CACNB2: variants seen among roughly 807,000 people sequenced by gnomAD.
CACNB2 encodes voltage-dependent L-type calcium channel subunit beta-2.
A neutral mutation model predicts 73.3 loss-of-function variants in CACNB2; 42 were observed. The observed-to-expected ratio is 0.57, with a 90% CI of 0.45 to 0.74. The LOEUF is 0.74. Among genes scored for constraint, CACNB2 ranks in the 30% least tolerant of loss-of-function variants. CACNB2 has a pLI of 0.00. For missense variants in CACNB2, 940 were observed against 853.0 expected, an observed-to-expected ratio of 1.10 and a Z score of -1.27; for synonymous variants, 348 against 310.3, an observed-to-expected ratio of 1.12 and a Z score of -1.28.
chr10:18,450,900 G>A (rs1407616686), intron 3 of CACNB2, among the ~76,000 whole-genome samples: 1 of 152,172 alleles, frequency 6.6e-6, no homozygotes, highest in Non-Finnish European at 1.5e-5. Flanking sequence ...GCCTCCCAAA[G>A]TGTTGGGATT....
At position 18,289,209 on chromosome 10, in the gene CACNB2, C is replaced by T. The variant is rs546837811; in HGVS notation, c.214-112715C>T. On this transcript the variant is annotated intron_variant, in intron 2 of 13. Transcript: ENST00000324631. ...TGCTGGTTAATACTGCCTCTACCCC[C>T]GACCCCCTCCCCAGCAAAAAAATCC... is the stretch of plus-strand genomic sequence containing the variant. 4.6e-5 allele frequency among the ~76,000 whole-genome samples: 7 copies of T among 151,876 alleles called. No individual in the cohort carries two copies. In the South Asian group the frequency reaches 1.0e-3, roughly 23 times the overall value.
At chr10:18,182,269 G>A (rs904083119) in intron 2 of CACNB2, among the ~76,000 whole-genome samples, 8 of 151,800 alleles carry the variant, frequency 5.3e-5, no homozygotes, top group Non-Finnish European at 1.0e-4. Context: ...TGAGACCAGT[G>A]AGCCGAGATT....
intron 2 of CACNB2, among the ~76,000 whole-genome samples, chr10:18,272,370 G>T (rs1447295959): frequency 6.6e-6 from 1 of 152,074 alleles, no homozygotes; most frequent in East Asian, 1.9e-4. Flanking sequence ...CTCCCCCAAG[G>T]TTCTATGCCT....
chr10:18,141,599 A>C (rs2030412493), intron 1 of CACNB2, among the ~76,000 whole-genome samples: 1 of 152,230 alleles, frequency 6.6e-6, no homozygotes, highest in African/African-American at 2.4e-5. Flanking sequence ...TTCTGGAAAA[A>C]GTCAGCTTCG....
At chr10:18,261,116 T>A in intron 2 of CACNB2, 6 of 1,503,172 alleles carry the variant, frequency 4.0e-6, no homozygotes, top group Non-Finnish European at 5.3e-6. Context: ...GTGGCTTTTT[T>A]AGAAACTACC....
At chr10:18,479,407 T>G (rs946188197) in intron 3 of CACNB2, among the ~76,000 whole-genome samples, 12 of 152,142 alleles carry the variant, frequency 7.9e-5, no homozygotes, top group African/African-American at 2.2e-4. Context: ...TAGATGACTT[T>G]TGAGAACCAT....
In CACNB2 at chr10:18,315,520, A is replaced by C. The variant is rs866276185; in HGVS notation, c.214-86404A>C. 2.0e-4 allele frequency among the ~76,000 whole-genome samples: 26 copies of C among 130,616 alleles called. 1 individual carries two copies. Among genetic ancestry groups the C allele is most frequent in the African/African-American group, 5.0e-4 (17 of 34,338 alleles). The allele number at this position is 130,616 out of a possible 152,430, so 85.7% of individuals were successfully genotyped here. ...TATTTAAAAAAAAAAAAAAAAAAAA[A>C]AAAAAAAACTTTTTTTTTTTTTAAT... On this transcript the variant is annotated intron_variant, in intron 2 of 13. Transcript: ENST00000324631.
At chr10:18,420,747 C>T (rs985633131) in intron 3 of CACNB2, among the ~76,000 whole-genome samples, 1 of 152,306 alleles carries the variant, frequency 6.6e-6, no homozygotes, top group African/African-American at 2.4e-5. Context: ...CCATCACAGT[C>T]AGCTAATTGA....
At chr10:18,320,748 G>A (rs112455285) in intron 2 of CACNB2, among the ~76,000 whole-genome samples, 5 of 152,136 alleles carry the variant, frequency 3.3e-5, no homozygotes, top group African/African-American at 9.7e-5. Flanking sequence ...TTAGAACTGC[G>A]TAACTATTGG....
intron 10 of CACNB2, among the ~76,000 whole-genome samples, chr10:18,529,888 G>A (rs1358569601): frequency 6.6e-6 from 1 of 152,148 alleles, no homozygotes; most frequent in African/African-American, 2.4e-5. Flanking sequence ...ACATACCCAA[G>A]ACTGGGTAAA....
At chr10:18,349,344 G>T (rs7896075) in intron 2 of CACNB2, among the ~76,000 whole-genome samples, 16,355 of 152,172 alleles carry the variant, frequency 0.11, 1,127 homozygotes, top group East Asian at 0.25. Flanking sequence ...CCGTTTTCCC[G>T]GAGCTCCGGC....
intron 13 of CACNB2, among the ~76,000 whole-genome samples, chr10:18,538,704 T>C (rs1432827517): frequency 6.6e-6 from 1 of 152,164 alleles, no homozygotes; most frequent in Admixed American, 6.6e-5. Context: ...GGAATAATAA[T>C]GGCAACCTGT....
In CACNB2 at chr10:18,518,410, C is replaced by T. The variant is rs1007456025; in HGVS notation, c.879C>T (p.Gly293=). 3.7e-6 allele frequency: 6 copies of T among 1,605,878 alleles called. No homozygotes were observed. The African/African-American group carries it at 6.7e-5, about 18-fold the overall frequency. ...PVVLVGPSLK[G]YEVTDMMQKA... ...TCCTAGTGGGCCCTTCTCTGAAGGG[C>T]TACGAGGTGGGTAGCAGCCTTCCAC... Residue 293 remains glycine, a synonymous_variant, in exon 8 of 14, where the codon GGC becomes GGT. Coordinates refer to ENST00000324631, the MANE Select transcript of CACNB2 (RefSeq NM_201596.3).
rs7097373 is a variant in CACNB2 at position 18,269,585 on chromosome 10, C to T, written c.213+118610C>T. On this transcript the variant is annotated intron_variant, in intron 2 of 13. Transcript: ENST00000324631. ...CTAGAGAAATTGAAGTTAAACTTTT[C>T]TGCACATACGCTGATAGCTACCAAA... Among the ~76,000 whole-genome samples the T allele has an allele frequency of 3.4e-3, 520 of 152,280 alleles. 10 individuals are homozygous for T. The highest frequency in any genetic ancestry group is 0.012 in the African/African-American group (500 of 41,550).
intron 3 of CACNB2, among the ~76,000 whole-genome samples, chr10:18,488,856 G>A (rs1250036879): frequency 2.0e-5 from 3 of 151,042 alleles, no homozygotes; most frequent in East Asian, 2.0e-4. Flanking sequence ...CAGCTCTAAC[G>A]CTTATGGCCT....
chr10:18,214,732 C>T (rs2482119), intron 2 of CACNB2, among the ~76,000 whole-genome samples: 7,240 of 151,696 alleles, frequency 0.048, 287 homozygotes, highest in Admixed American at 0.13. Context: ...ATTTGTAACT[C>T]CTTTAATTGT....
chr10:18,531,698 AG>A (rs1228025394), intron 10 of CACNB2, among the ~76,000 whole-genome samples: 3 of 152,184 alleles, frequency 2.0e-5, no homozygotes, highest in African/African-American at 7.2e-5. Flanking sequence ...TTTTAATAAC[AG>A]CCATTCTAAC....
chr10:18,379,997 C>T (rs1288463956), intron 2 of CACNB2, among the ~76,000 whole-genome samples: 1 of 152,132 alleles, frequency 6.6e-6, no homozygotes, highest in Non-Finnish European at 1.5e-5. Context: ...CACTATTCTA[C>T]CTTCTGTTTC....
rs184280124 is a variant in CACNB2 at position 18,539,333 on chromosome 10, G to T, written c.1592G>T (p.Arg531Leu). The change falls in exon 14 of 14, where the codon CGC becomes CTC. Residue 531 changes from arginine to leucine, a missense_variant. Transcript: ENST00000324631. Reference protein sequence around the residue: ...SVEPVKKSQHRSSSSAPHHNH... With the variant: ...SVEPVKKSQHLSSSSAPHHNH... ...GAACCAGTCAAGAAATCCCAGCACC[G>T]CTCTTCCTCCTCAGCCCCACACCAC... 6 of 1,614,062 alleles carry T rather than the reference G, an allele frequency of 3.7e-6. No homozygotes were observed. The highest frequency in any genetic ancestry group is 1.7e-5 in the Admixed American group (1 of 59,998).
Sources: gnomAD v4.1 joint callset for allele counts (sites outside exome capture counted in the v4.1 genomes callset) on GRCh38, gnomAD v4.1.1 for gene constraint, MANE v1.5 for transcripts, NCBI Gene and HGNC (gene_info 2026-07-23, HGNC 2026-07-21) for gene names.